The following STON1 variants were observed in gnomAD, a reference collection of about 807,000 sequenced individuals.
STON1 encodes stonin-1.
In STON1, 79 loss-of-function variants were observed where a neutral mutation model predicts 60.9. That is an observed-to-expected ratio of 1.30 (90% confidence interval 1.08 to 1.56). The LOEUF (loss-of-function observed/expected upper bound fraction) is 1.56, where lower values mean the gene tolerates loss of function less well. Ranked by LOEUF, STON1 falls within the 40% of genes most tolerant of loss-of-function variation. The probability of loss-of-function intolerance (pLI) is 0.00; values close to 1 mark genes in which losing one functional copy is unlikely to be tolerated. For missense variants in STON1, 1,166 were observed against 858.9 expected (o/e 1.36, Z -4.47); for synonymous variants, 363 against 306.9 (o/e 1.18, Z -1.91).
chr2:48,585,164 C>A, intron 2 of STON1, among the ~76,000 whole-genome samples: 1 of 152,184 alleles, frequency 6.6e-6, no homozygotes, highest in East Asian at 1.9e-4. Context: ...TCTCAAACAG[C>A]ACATTCTGAT....
chr2:48,564,605 T>TCCTCCTC lies in STON1; in HGVS notation c.-47-15981_-47-15980insCTCCTCC, dbSNP rs1359171030. On this transcript the variant is annotated intron_variant, in intron 1 of 3. Coordinates refer to ENST00000404752, the MANE Select transcript of STON1 (RefSeq NM_006873.4). Reference sequence around the variant, plus strand: ...TCCTCCTCCTCCTCCTCCTCCTCCTTCTCCTTCTCCTTCTCCTTCTCCTTC... The same window carrying TCCTCCTC: ...TCCTCCTCCTCCTCCTCCTCCTCCTTCCTCCTCCTCCTTCTCCTTCTCCTTCTCCTTC... Among the ~76,000 whole-genome samples the TCCTCCTC allele has an allele frequency of 8.1e-5, 5 of 61,676 alleles. 1 individual carries two copies. The South Asian group carries it at 2.4e-3, about 29-fold the overall frequency. 40.5% of individuals were successfully genotyped at this position (61,676 alleles called of 152,430 possible).
chr2:48,575,684 A>AATG (rs1558622877), intron 1 of STON1, among the ~76,000 whole-genome samples: 37 of 149,522 alleles, frequency 2.5e-4, no homozygotes, highest in South Asian at 1.5e-3. Flanking sequence ...ATAAATAAAT[A>AATG]AATGAATTCT....
At chr2:48,583,629 T>C (rs1239757058) in intron 2 of STON1, among the ~76,000 whole-genome samples, 6 of 151,416 alleles carry the variant, frequency 4.0e-5, no homozygotes, top group African/African-American at 1.2e-4. Flanking sequence ...TTTTTTTTTT[T>C]TCCCCCCTAG....
In STON1 at chr2:48,582,228, C is replaced by T; in HGVS notation, c.1595C>T (p.Ser532Phe). ...GATAATCTTCCCTTTTCCTTGAAGT[C>T]TGTAGTGGTTGTCCAGGGAGCATAC... ...NGDNLPFSLK[S>F]VVVVQGAYVE... Residue 532 changes from serine (S) to phenylalanine (F), a missense_variant, in exon 2 of 4, where the codon TCT becomes TTT. By Grantham distance (155) the Ser-to-Phe change is radical. Coordinates refer to ENST00000404752, the MANE Select transcript of STON1 (RefSeq NM_006873.4). The T allele has an allele frequency of 6.2e-7, 1 of 1,614,184 alleles. No homozygotes were observed. Among genetic ancestry groups the T allele is most frequent in the Non-Finnish European group, 8.5e-7 (1 of 1,180,048 alleles).
intron 1 of STON1, among the ~76,000 whole-genome samples, chr2:48,540,130 G>A (rs960950717): frequency 6.6e-6 from 1 of 152,008 alleles, no homozygotes; most frequent in African/African-American, 2.4e-5. Context: ...TCTGTTTCTG[G>A]TACCTGGAGA....
At chr2:48,571,234 A>T (rs1229911390) in intron 1 of STON1, among the ~76,000 whole-genome samples, 2 of 152,144 alleles carry the variant, frequency 1.3e-5, no homozygotes, top group African/African-American at 4.8e-5. Context: ...TTTGAAAAGT[A>T]TGGGGCATGC....
chr2:48,537,101 C>G (rs763663292), intron 1 of STON1, among the ~76,000 whole-genome samples: 2 of 152,168 alleles, frequency 1.3e-5, no homozygotes, highest in African/African-American at 2.4e-5. Flanking sequence ...ACTCCTACAT[C>G]TTTTTCTTAC....
chr2:48,553,415 C>A (rs1485691745), intron 1 of STON1, among the ~76,000 whole-genome samples: 1 of 151,848 alleles, frequency 6.6e-6, no homozygotes, highest in South Asian at 2.1e-4. Context: ...CCCTCCCCTC[C>A]GCTCTTCCTC....
chr2:48,581,041 A>C lies in STON1; in HGVS notation c.408A>C (p.Leu136Phe), dbSNP rs749128724. Residue 136 changes from leucine to phenylalanine, a missense_variant, in exon 2 of 4, where the codon TTA (leucine) becomes TTC (phenylalanine). By Grantham distance (22) the Leu-to-Phe change is conservative (BLOSUM62 0). Transcript: ENST00000404752. ...TRPTCLSHAL[L>F]PSDHSCTHPT... ...CAACATGTTTATCCCATGCCTTGTTACCCAGTGACCACTCATGTACACATC... is the reference window on the plus strand; with the variant it reads ...CAACATGTTTATCCCATGCCTTGTTCCCCAGTGACCACTCATGTACACATC... 6.3e-7 allele frequency: 1 copy of C among 1,578,852 alleles called. No individual in the cohort carries two copies. The highest frequency in any genetic ancestry group is 1.9e-5 in the Admixed American group (1 of 53,094).
intron 1 of STON1, among the ~76,000 whole-genome samples, chr2:48,550,796 C>G (rs1178821278): frequency 6.6e-6 from 1 of 151,346 alleles, no homozygotes; most frequent in Admixed American, 6.6e-5. Flanking sequence ...AGGTGTATGC[C>G]TGGAAGAAAA....
chr2:48,589,684 G>A (rs1211366669), intron 2 of STON1, among the ~76,000 whole-genome samples: 1 of 152,130 alleles, frequency 6.6e-6, no homozygotes, highest in Non-Finnish European at 1.5e-5. Flanking sequence ...TTTGGGTTTA[G>A]TTCTTCAATT....
intron 1 of STON1, among the ~76,000 whole-genome samples, chr2:48,538,743 G>A (rs928503240): frequency 7.1e-6 from 1 of 141,188 alleles, no homozygotes; most frequent in East Asian, 2.1e-4. Flanking sequence ...GATTACAGGT[G>A]TGCGCCACCA....
intron 1 of STON1, among the ~76,000 whole-genome samples, chr2:48,537,929 A>C (rs1200046608): frequency 6.6e-6 from 1 of 151,374 alleles, no homozygotes; most frequent in African/African-American, 2.4e-5. Context: ...TATTGGCCCT[A>C]TAAAGTAATC....
chr2:48,543,854 G>T (rs1671756325), intron 1 of STON1, among the ~76,000 whole-genome samples: 1 of 152,100 alleles, frequency 6.6e-6, no homozygotes, highest in African/African-American at 2.4e-5. Flanking sequence ...TAAATGAAAA[G>T]ACCCCAGAGA....
chr2:48,583,262 G>C (rs1674003293), intron 2 of STON1, among the ~76,000 whole-genome samples: 1 of 151,876 alleles, frequency 6.6e-6, no homozygotes, highest in Admixed American at 6.6e-5. Flanking sequence ...CTAATTTTTT[G>C]TTTTTTAGTA....
intron 1 of STON1, among the ~76,000 whole-genome samples, chr2:48,558,297 T>C (rs76708386): frequency 0.036 from 5,517 of 152,306 alleles, 153 homozygotes; most frequent in Non-Finnish European, 0.051. Context: ...TATACACATA[T>C]ATATCAATGG....
chr2:48,591,706 G>C lies in STON1; in HGVS notation c.1984G>C (p.Glu662Gln). ...CAAATTAGAGCTTGGATCAGACCAA[G>C]AAATTCCCTCTGATTGGTATCCATT... ...SYKLELGSDQEIPSDWYPFAT... is the reference protein window; with the variant it reads ...SYKLELGSDQQIPSDWYPFAT... The change falls in exon 3 of 4, where the codon GAA becomes CAA. Residue 662 changes from glutamate to glutamine, a missense_variant. By Grantham distance (29) the Glu-to-Gln change is conservative. Transcript: ENST00000404752. 6.2e-7 allele frequency: 1 copy of C among 1,614,090 alleles called. No individual in the cohort carries two copies. Among genetic ancestry groups the C allele is most frequent in the Non-Finnish European group, 8.5e-7 (1 of 1,180,024 alleles).
At position 48,570,878 on chromosome 2, in the gene STON1, C is replaced by G. The variant is rs1026743969; in HGVS notation, c.-47-9709C>G. Among the ~76,000 whole-genome samples, 7 of 59,112 alleles carry G rather than the reference C, an allele frequency of 1.2e-4. No individual in the cohort carries two copies. The East Asian group carries it at 6.3e-3, about 53-fold the overall frequency. The allele number at this position is 59,112 out of a possible 152,430, so 38.8% of individuals were successfully genotyped here. A position where few individuals can be genotyped will look rare whatever the true frequency, so the allele number is the denominator to read the frequency against. On this transcript the variant is annotated intron_variant, in intron 1 of 3. Coordinates refer to ENST00000404752, the MANE Select transcript of STON1 (RefSeq NM_006873.4). The stretch of plus-strand genomic sequence containing the variant: ...TTTTTTTTTTTTTTTTTTTGTCTTT[C>G]CCCAGACAGAGTCTTGCACTATCCC...
chr2:48,582,684 G>GA, intron 2 of STON1, 121 bp downstream of exon 2: 1 of 1,457,960 alleles, frequency 6.9e-7, no homozygotes, highest in Non-Finnish European at 9.1e-7. Flanking sequence ...CTGTGCTTTG[G>GA]GGTAGGAGAT....
Sources: gnomAD v4.1 joint callset for allele counts (sites outside exome capture counted in the v4.1 genomes callset) on GRCh38, gnomAD v4.1.1 for gene constraint, MANE v1.5 for transcripts, NCBI Gene and HGNC (gene_info 2026-07-23, HGNC 2026-07-21) for gene names.